Variants in TMEM272 observed in about 807,000 individuals in gnomAD.
TMEM272 encodes the protein transmembrane protein 272, also known as long intergenic non-protein coding RNA 282.
TMEM272 carries 8 observed loss-of-function variants against 3.7 expected under a neutral mutation model. That is an observed-to-expected ratio of 2.17 (90% confidence interval 1.27 to 3.91). TMEM272 has a LOEUF of 3.91. Among genes scored for constraint, TMEM272 ranks in the 30% most tolerant of loss-of-function variants. The pLI, the probability that TMEM272 is intolerant of heterozygous loss-of-function variation, is 0.00. For synonymous variants in TMEM272, 63 were observed against 39.8 expected (o/e 1.58, Z -2.20); for missense variants, 166 against 91.5 (o/e 1.81, Z -3.32).
chr13:51,865,313 T>C, the TMEM272 span: 1 of 1,377,722 alleles, frequency 7.3e-7, no homozygotes, highest in African/African-American at 1.5e-5. Flanking sequence ...TAGATCTGTC[T>C]TTTCTGCTGC....
chr13:51,876,404 A>C, the TMEM272 span, among the ~76,000 whole-genome samples: 1 of 152,256 alleles, frequency 6.6e-6, no homozygotes, highest in African/African-American at 2.4e-5. Flanking sequence ...CAGTTTGAAA[A>C]GAACCTTAAC....
chr13:51,865,554 G>T, the TMEM272 span: 3 of 1,614,150 alleles, frequency 1.9e-6, no homozygotes, highest in Non-Finnish European at 2.5e-6. Flanking sequence ...AAAATTTTTC[G>T]TGAAAAAATA....
chr13:51,887,597 T>C, the TMEM272 span, among the ~76,000 whole-genome samples: 2 of 152,362 alleles, frequency 1.3e-5, no homozygotes, highest in Non-Finnish European at 2.9e-5. Flanking sequence ...GTCCTTGGCT[T>C]TGAGCTTGCT....
chr13:51,889,322 T>G, the TMEM272 span, among the ~76,000 whole-genome samples: 1 of 152,214 alleles, frequency 6.6e-6, no homozygotes. Flanking sequence ...CCCTATCCTC[T>G]AAAGTGACTA....
intron 1 of TMEM272, among the ~76,000 whole-genome samples, chr13:51,841,990 A>C (rs1404012730): frequency 6.6e-6 from 1 of 152,246 alleles, no homozygotes; most frequent in African/African-American, 2.4e-5. Context: ...TGGCCGACAA[A>C]CTTTGCATAT....
At chr13:51,852,158 T>A in the TMEM272 span, among the ~76,000 whole-genome samples, 4 of 152,268 alleles carry the variant, frequency 2.6e-5, no homozygotes, top group African/African-American at 9.6e-5. Flanking sequence ...TAACAGAGTG[T>A]ATTGTCAAAC....
chr13:51,925,202 G>A, the TMEM272 span, among the ~76,000 whole-genome samples: 1 of 152,214 alleles, frequency 6.6e-6, no homozygotes, highest in East Asian at 1.9e-4. Flanking sequence ...CCCTAGCAAA[G>A]CAGCTTGAGG....
chr13:51,829,642 C>T (rs576975846), intron 2 of TMEM272, among the ~76,000 whole-genome samples: 22 of 152,132 alleles, frequency 1.4e-4, no homozygotes, highest in Non-Finnish European at 2.9e-4. Context: ...AAAAAGTGAT[C>T]GGCATCCTGA....
chr13:51,849,832 A>G (rs118026173), upstream of TMEM272, among the ~76,000 whole-genome samples: 3,360 of 152,240 alleles, frequency 0.022, 79 homozygotes, highest in Non-Finnish European at 0.029. Context: ...GGGTTGGGAA[A>G]ATGCACAACG....
chr13:51,899,553 GTATT>G, the TMEM272 span, among the ~76,000 whole-genome samples: 714 of 7,764 alleles, frequency 0.092, 1 homozygote, highest in Admixed American at 0.27. Flanking sequence ...GAAGACTTAA[GTATT>G]AAGACGGCAA....
intron 4 of TMEM272, among the ~76,000 whole-genome samples, chr13:51,820,465 C>T (rs780153149): frequency 9.9e-5 from 15 of 152,196 alleles, no homozygotes; most frequent in South Asian, 4.1e-4. Context: ...TGGCTTCAAA[C>T]GGTTTTAGAT....
chr13:51,888,685 G>A, the TMEM272 span, among the ~76,000 whole-genome samples: 7 of 107,234 alleles, frequency 6.5e-5, no homozygotes, highest in South Asian at 2.0e-3. Flanking sequence ...TCACACTGTC[G>A]CCCAGACTGG....
chr13:51,865,829 CAGG>C, the TMEM272 span: 6 of 1,614,142 alleles, frequency 3.7e-6, no homozygotes, highest in Admixed American at 8.3e-5. Context: ...GAACCTTCTT[CAGG>C]AGGACAAGGC....
At chr13:51,870,702 G>C in the TMEM272 span, among the ~76,000 whole-genome samples, 3 of 152,186 alleles carry the variant, frequency 2.0e-5, no homozygotes, top group Non-Finnish European at 4.4e-5. Context: ...GCTGGCAGTG[G>C]GGAAAGCCAA....
chr13:51,863,665 GCACA>G, the TMEM272 span, among the ~76,000 whole-genome samples: 1 of 103,766 alleles, frequency 9.6e-6, no homozygotes, highest in East Asian at 2.6e-4. Context: ...ATATGCACGC[GCACA>G]CAGACACACA....
the TMEM272 span, among the ~76,000 whole-genome samples, chr13:51,904,552 G>A: frequency 2.0e-5 from 3 of 152,254 alleles, no homozygotes; most frequent in Non-Finnish European, 2.9e-5. Flanking sequence ...TGGAAAAGAA[G>A]GAGGCTCTAG....
chr13:51,867,327 G>C, the TMEM272 span, among the ~76,000 whole-genome samples: 1 of 152,206 alleles, frequency 6.6e-6, no homozygotes, highest in Non-Finnish European at 1.5e-5. Flanking sequence ...TAGCAAATAG[G>C]AGGGCCAGGA....
the TMEM272 span, among the ~76,000 whole-genome samples, chr13:51,919,876 T>C: frequency 6.6e-6 from 1 of 152,196 alleles, no homozygotes; most frequent in Non-Finnish European, 1.5e-5. Flanking sequence ...AGAAAGTGAG[T>C]ACTTTCATCT....
the TMEM272 span, among the ~76,000 whole-genome samples, chr13:51,858,248 TAGAG>T: frequency 5.3e-5 from 8 of 152,126 alleles, no homozygotes; most frequent in Middle Eastern, 3.4e-3. Context: ...AATTCAGACA[TAGAG>T]AGAGAGAACA....
Sources: allele counts gnomAD v4.1 joint callset (sites outside exome capture counted in the v4.1 genomes callset), GRCh38; gene constraint gnomAD v4.1.1; transcripts MANE v1.5; gene names NCBI Gene and HGNC (gene_info 2026-07-23, HGNC 2026-07-21).